STK32B: variants seen among roughly 807,000 people sequenced by gnomAD.
STK32B encodes the protein serine/threonine kinase 32B.
STK32B carries 43 observed loss-of-function variants against 52.6 expected under a neutral mutation model. The ratio of observed to expected loss-of-function variants is 0.82; its 90% CI spans 0.64 to 1.05. The LOEUF (loss-of-function observed/expected upper bound fraction) is 1.05, where lower values mean the gene tolerates loss of function less well. Among genes scored for constraint, STK32B ranks in the 50% least tolerant of loss-of-function variants. The pLI is 0.00. For missense variants in STK32B, 621 were observed against 534.6 expected (o/e 1.16, Z -1.59); for synonymous variants, 238 against 204.3 (o/e 1.17, Z -1.41).
chr4:5,446,564 A>AT (rs1715442799), intron 6 of STK32B, 109 bp from the exon 7 acceptor site: 1 of 985,624 alleles, frequency 1.0e-6, no homozygotes, highest in African/African-American at 1.7e-5. Flanking sequence ...CTCAAAAAAA[A>AT]ACAAAAAAAA....
At chr4:5,446,611 T>C in intron 6 of STK32B, 62 bp from the exon 7 acceptor site, 4 of 1,371,724 alleles carry the variant, frequency 2.9e-6, no homozygotes, top group Non-Finnish European at 4.1e-6. Context: ...GTCCCCTCTC[T>C]AAGGGGTGGT....
intron 3 of STK32B, among the ~76,000 whole-genome samples, chr4:5,224,954 G>A (rs150653827): frequency 3.9e-5 from 6 of 152,210 alleles, no homozygotes; most frequent in South Asian, 4.2e-4. Flanking sequence ...TGGGATTTTA[G>A]GAATGCCTAT....
chr4:5,306,776 T>G (rs1304001634), intron 3 of STK32B, among the ~76,000 whole-genome samples: 1 of 152,168 alleles, frequency 6.6e-6, no homozygotes, highest in Non-Finnish European at 1.5e-5. Flanking sequence ...TTGGTGTATT[T>G]TGAGGATTTG....
intron 3 of STK32B, among the ~76,000 whole-genome samples, chr4:5,321,194 C>G (rs1432190357): frequency 1.3e-5 from 2 of 151,926 alleles, no homozygotes; most frequent in African/African-American, 4.8e-5. Context: ...AATGCCTACA[C>G]CAAAGTGTTG....
chr4:5,184,928 T>C (rs1207608305), intron 3 of STK32B, among the ~76,000 whole-genome samples: 1 of 152,126 alleles, frequency 6.6e-6, no homozygotes, highest in Non-Finnish European at 1.5e-5. Flanking sequence ...CACAGGAAAA[T>C]GAGGCGTGCC....
intron 6 of STK32B, among the ~76,000 whole-genome samples, chr4:5,432,875 T>G (rs73211192): frequency 0.05 from 7,638 of 152,232 alleles, 199 homozygotes; most frequent in South Asian, 0.095. Context: ...CTCTTCACAA[T>G]AAGATTTTGT....
At chr4:5,069,870 A>T (rs1711645455) in intron 1 of STK32B, among the ~76,000 whole-genome samples, 1 of 152,252 alleles carries the variant, frequency 6.6e-6, no homozygotes, top group South Asian at 2.1e-4. Context: ...CCAACTACTT[A>T]TCCTCTCCGA....
At chr4:5,158,922 T>C (rs1246207267) in intron 2 of STK32B, among the ~76,000 whole-genome samples, 1 of 152,142 alleles carries the variant, frequency 6.6e-6, no homozygotes, top group African/African-American at 2.4e-5. Flanking sequence ...CTGCAGCATA[T>C]GAATTTGGGG....
rs1737160622 is a variant in STK32B at position 5,399,643 on chromosome 4, A to G, written c.472+1399A>G. On this transcript the variant is annotated intron_variant, in intron 5 of 11. Transcript: ENST00000282908. This position sits in a 1 kb window ranked among gnomAD's most constrained non-coding sequence, Gnocchi z 5.4. The stretch of plus-strand genomic sequence containing the variant: ...TGTATCTAAAAGTCAGGATCTTCAG[A>G]TGTGGCACTCAGCTGAGCCCCCAGC... 6.6e-6 allele frequency among the ~76,000 whole-genome samples: 1 copy of G among 152,176 alleles called. No individual in the cohort carries two copies. The highest frequency in any genetic ancestry group is 6.5e-5 in the Admixed American group (1 of 15,272).
chr4:5,491,185 C>T (rs1225698105), intron 11 of STK32B, among the ~76,000 whole-genome samples: 1 of 152,172 alleles, frequency 6.6e-6, no homozygotes, highest in African/African-American at 2.4e-5. Context: ...TTTACAGTCC[C>T]ACCAACAGTG....
chr4:5,098,586 C>T (rs1713526426), intron 1 of STK32B, among the ~76,000 whole-genome samples: 2 of 152,204 alleles, frequency 1.3e-5, no homozygotes, highest in Non-Finnish European at 2.9e-5. Flanking sequence ...CTGCTAGCTC[C>T]ACTTTATAGG....
At chr4:5,442,406 A>T (rs900889572) in intron 6 of STK32B, among the ~76,000 whole-genome samples, 1 of 151,826 alleles carries the variant, frequency 6.6e-6, no homozygotes, top group African/African-American at 2.4e-5. Context: ...AGTCTGTTTT[A>T]TCAGAGACTA....
At chr4:5,099,449 T>TGTGCGCGCGTGCGC (rs869162541) in intron 1 of STK32B, among the ~76,000 whole-genome samples, 2 of 36,152 alleles carry the variant, frequency 5.5e-5, no homozygotes, top group African/African-American at 3.7e-4. Context: ...TGTGTGTGTG[T>TGTGCGCGCGTGCGC]GCGCGCGCGC....
chr4:5,262,434 G>C (rs181309969), intron 3 of STK32B, among the ~76,000 whole-genome samples: 84 of 151,558 alleles, frequency 5.5e-4, no homozygotes, highest in African/African-American at 1.9e-3. Context: ...AGACCATCTG[G>C]CTAACATGGT....
intron 3 of STK32B, among the ~76,000 whole-genome samples, chr4:5,281,703 C>T (rs1007521724): frequency 1.3e-5 from 2 of 152,004 alleles, no homozygotes; most frequent in African/African-American, 4.8e-5. Flanking sequence ...AGATATGCAC[C>T]ATTGTATTAA....
chr4:5,440,598 C>T (rs937091888), intron 6 of STK32B, among the ~76,000 whole-genome samples: 1 of 152,156 alleles, frequency 6.6e-6, no homozygotes, highest in African/African-American at 2.4e-5. Context: ...CCCTTTATTT[C>T]CTTCTCCTGC....
intron 3 of STK32B, among the ~76,000 whole-genome samples, chr4:5,230,140 A>G (rs146326416): frequency 6.0e-4 from 89 of 148,062 alleles, no homozygotes; most frequent in African/African-American, 2.1e-3. Context: ...TACTTTAGAA[A>G]ACTCTAGCAA....
At chr4:5,188,436 G>T (rs997433963) in intron 3 of STK32B, among the ~76,000 whole-genome samples, 1 of 152,112 alleles carries the variant, frequency 6.6e-6, no homozygotes, top group African/African-American at 2.4e-5. Flanking sequence ...GACGTCAGGC[G>T]CACATGCCCC....
intron 3 of STK32B, among the ~76,000 whole-genome samples, chr4:5,314,824 C>G (rs1311683110): frequency 2.0e-5 from 3 of 151,954 alleles, no homozygotes; most frequent in Non-Finnish European, 4.4e-5. Context: ...TATTTTAAAA[C>G]TTTTTATTAA....
Sources: gnomAD v4.1 joint callset for allele counts (sites outside exome capture counted in the v4.1 genomes callset) on GRCh38, gnomAD v4.1.1 for gene constraint, Gnocchi (gnomAD v3.1) non-coding constraint, MANE v1.5 for transcripts, NCBI Gene and HGNC (gene_info 2026-07-23, HGNC 2026-07-21) for gene names.